The following MTFR1 variants were observed in gnomAD, a reference collection of about 807,000 sequenced individuals.
The protein encoded by MTFR1 is chondrocyte protein with a poly-proline region.
MTFR1 carries 28 observed loss-of-function variants against 38.8 expected under a neutral mutation model. The ratio of observed to expected loss-of-function variants is 0.72; its 90% CI spans 0.53 to 0.99. MTFR1 has a LOEUF of 0.99. MTFR1 is among the 50% of genes least tolerant of loss of function. The pLI, the probability that MTFR1 is intolerant of heterozygous loss-of-function variation, is 0.00. For synonymous variants in MTFR1, 145 were observed against 137.0 expected (o/e 1.06, Z -0.41); for missense variants, 358 against 395.5 (o/e 0.91, Z 0.81).
chr8:65,730,636 CAGAGAA>C (rs1404679892), intron 3 of MTFR1, among the ~76,000 whole-genome samples: 1 of 152,062 alleles, frequency 6.6e-6, no homozygotes. Context: ...GGTCTAAAAA[CAGAGAA>C]CTAGGCTGGG....
intron 1 of MTFR1, among the ~76,000 whole-genome samples, chr8:65,669,089 A>G (rs1804483472): frequency 1.3e-5 from 2 of 152,114 alleles, no homozygotes; most frequent in African/African-American, 4.8e-5. Context: ...TCATTCCTTT[A>G]TGATTTTTGG....
At chr8:65,663,510 C>A in intron 1 of MTFR1, among the ~76,000 whole-genome samples, 1 of 139,394 alleles carries the variant, frequency 7.2e-6, no homozygotes. Context: ...CTGCGAGAAA[C>A]ACCCAAGAAT....
downstream of MTFR1, among the ~76,000 whole-genome samples, chr8:65,713,601 G>C (rs573857939): frequency 6.6e-6 from 1 of 152,176 alleles, no homozygotes; most frequent in Admixed American, 6.5e-5. Flanking sequence ...TGTAATTGAT[G>C]AAAGTATTTT....
chr8:65,653,975 A>C (rs529638199), intron 1 of MTFR1, among the ~76,000 whole-genome samples: 13 of 151,292 alleles, frequency 8.6e-5, no homozygotes, highest in African/African-American at 3.2e-4. Flanking sequence ...AAGCAGGAGG[A>C]TCACTTGAGC....
At chr8:65,686,665 A>G (rs958002763) in intron 3 of MTFR1, among the ~76,000 whole-genome samples, 5 of 145,538 alleles carry the variant, frequency 3.4e-5, no homozygotes, top group African/African-American at 7.6e-5. Context: ...GCTCACACCT[A>G]TAATCTCAGC....
intron 2 of MTFR1, among the ~76,000 whole-genome samples, chr8:65,670,909 T>C (rs1423560938): frequency 6.6e-6 from 1 of 152,176 alleles, no homozygotes; most frequent in Non-Finnish European, 1.5e-5. Context: ...TTCCACTATG[T>C]TGGCCAGGCT....
intron 1 of MTFR1, among the ~76,000 whole-genome samples, chr8:65,662,017 C>T (rs1325852901): frequency 1.4e-5 from 2 of 142,974 alleles, no homozygotes; most frequent in Non-Finnish European, 3.1e-5. Flanking sequence ...CCCTCTCTCT[C>T]TCCCTCTCTC....
chr8:65,703,218 A>G (rs940913023), intron 4 of MTFR1, among the ~76,000 whole-genome samples: 2 of 152,088 alleles, frequency 1.3e-5, no homozygotes, highest in Admixed American at 1.3e-4. Flanking sequence ...CTCTTAAAAA[A>G]AAGAGAAAAG....
chr8:65,708,130 G>C (rs775686139), intron 7 of MTFR1, 119 bp downstream of exon 7: 1 of 1,594,574 alleles, frequency 6.3e-7, no homozygotes, highest in Non-Finnish European at 8.5e-7. Context: ...AGGTGATACA[G>C]GATTTGGTCC....
At chr8:65,703,256 C>T (rs939018422) in intron 4 of MTFR1, among the ~76,000 whole-genome samples, 139 of 151,540 alleles carry the variant, frequency 9.2e-4, no homozygotes, top group Middle Eastern at 3.4e-3. Flanking sequence ...ATGGGTGGCA[C>T]GCACCTATAG....
chr8:65,768,303 C>A (rs931530909), intron 3 of MTFR1, among the ~76,000 whole-genome samples: 11 of 152,178 alleles, frequency 7.2e-5, no homozygotes, highest in Non-Finnish European at 1.2e-4. Flanking sequence ...TGTGCCCCCA[C>A]CCAAATCTCA....
chr8:65,648,876 G>A (rs866759144), intron 1 of MTFR1, among the ~76,000 whole-genome samples: 1 of 152,030 alleles, frequency 6.6e-6, no homozygotes, highest in Admixed American at 6.6e-5. Context: ...AGGTTGGAGT[G>A]CAGTGATGCT....
In MTFR1 at chr8:65,709,195, G is replaced by A; in HGVS notation, c.*151G>A. The A allele has an allele frequency of 1.4e-6, 1 of 703,880 alleles. No homozygotes were observed. Among genetic ancestry groups the A allele is most frequent in the Non-Finnish European group, 2.4e-6 (1 of 415,944 alleles). 43.6% of individuals were successfully genotyped at this position (703,880 alleles called of 1,614,324 possible). ...ATTAGTGGATTAAGCAATAATGAAAGCACTAAGTTTGGTTTTGCTTTTGTG... is the reference window on the plus strand; with the variant it reads ...ATTAGTGGATTAAGCAATAATGAAAACACTAAGTTTGGTTTTGCTTTTGTG... On this transcript the variant is annotated 3_prime_UTR_variant, in exon 8 of 8. Coordinates refer to ENST00000262146, the MANE Select transcript of MTFR1 (RefSeq NM_014637.4).
downstream of MTFR1, among the ~76,000 whole-genome samples, chr8:65,772,396 G>A (rs577332559): frequency 1.3e-5 from 2 of 152,286 alleles, no homozygotes; most frequent in East Asian, 3.9e-4. Flanking sequence ...TACCTCTGAA[G>A]GTTTAAACAC....
At chr8:65,739,365 C>T in intron 3 of MTFR1, 1 of 962,578 alleles carries the variant, frequency 1.0e-6, no homozygotes, top group Non-Finnish European at 1.4e-6. Context: ...AGCTAAATAA[C>T]TGTGTGTTGT....
At chr8:65,745,042 C>T (rs2128905146) in intron 3 of MTFR1, among the ~76,000 whole-genome samples, 1 of 152,220 alleles carries the variant, frequency 6.6e-6, no homozygotes, top group African/African-American at 2.4e-5. Flanking sequence ...GGTGCTTTCC[C>T]CCACACTGTT....
At chr8:65,773,665 A>G (rs1298856993), downstream of MTFR1, among the ~76,000 whole-genome samples, 1 of 152,038 alleles carries the variant, frequency 6.6e-6, no homozygotes, top group Non-Finnish European at 1.5e-5. Flanking sequence ...ACTAACATTG[A>G]TATGTTTGGT....
At chr8:65,708,162 G>C in intron 7 of MTFR1, 151 bp downstream of exon 7, 1 of 1,493,992 alleles carries the variant, frequency 6.7e-7, no homozygotes, top group Non-Finnish European at 9.1e-7. Context: ...GTAGATCACG[G>C]CTGGTTGGGA....
intron 1 of MTFR1, among the ~76,000 whole-genome samples, chr8:65,653,585 A>G (rs1180253892): frequency 1.3e-5 from 2 of 152,214 alleles, no homozygotes. Flanking sequence ...CAGATATGAC[A>G]AAACTCATAA....
Sources: allele counts gnomAD v4.1 joint callset (sites outside exome capture counted in the v4.1 genomes callset), GRCh38; gene constraint gnomAD v4.1.1; transcripts MANE v1.5; gene names NCBI Gene and HGNC (gene_info 2026-07-23, HGNC 2026-07-21).